NBAS: variants seen among roughly 807,000 people sequenced by gnomAD.
NBAS encodes NBAS subunit of NRZ tethering complex.
NBAS carries 219 observed loss-of-function variants against 302.5 expected under a neutral mutation model. That is an observed-to-expected ratio of 0.72 (90% CI 0.65 to 0.81). NBAS has a LOEUF of 0.81. Among genes scored for constraint, NBAS ranks in the 30% least tolerant of loss-of-function variants. NBAS has a pLI of 0.00. For missense variants in NBAS, 2,932 were observed against 2,841.6 expected (o/e 1.03, Z -0.72); for synonymous variants, 1,118 against 1,021.6 (o/e 1.09, Z -1.80).
downstream of NBAS, among the ~76,000 whole-genome samples, chr2:15,165,787 A>G (rs915139688): frequency 1.3e-5 from 2 of 152,174 alleles, no homozygotes; most frequent in Non-Finnish European, 2.9e-5. Flanking sequence ...GCAGAAATTG[A>G]TCCAAGGTAG....
At chr2:15,273,474 A>C (rs556073016) in intron 44 of NBAS, among the ~76,000 whole-genome samples, 21 of 152,356 alleles carry the variant, frequency 1.4e-4, no homozygotes, top group African/African-American at 4.6e-4. Context: ...ATGACTTCTT[A>C]GAGATAGCAC....
At chr2:14,786,499 C>T in the NBAS span, among the ~76,000 whole-genome samples, 1 of 152,026 alleles carries the variant, frequency 6.6e-6, no homozygotes, top group Non-Finnish European at 1.5e-5. Context: ...TTGAATGTGT[C>T]CCAGAGATTC....
the NBAS span, among the ~76,000 whole-genome samples, chr2:15,005,181 G>A: frequency 3.9e-5 from 6 of 152,032 alleles, no homozygotes; most frequent in East Asian, 1.9e-4. Context: ...TTAAATGCGC[G>A]CATGGGTATT....
At chr2:15,315,377 C>T (rs1268856945) in intron 38 of NBAS, among the ~76,000 whole-genome samples, 1 of 152,148 alleles carries the variant, frequency 6.6e-6, no homozygotes, top group African/African-American at 2.4e-5. Flanking sequence ...CAGGATTGAA[C>T]AGGAGTTCAC....
the NBAS span, among the ~76,000 whole-genome samples, chr2:15,004,352 T>C: frequency 1.3e-5 from 2 of 152,230 alleles, no homozygotes; most frequent in African/African-American, 4.8e-5. Flanking sequence ...TAAGGAAAAG[T>C]TTTGGCACAC....
chr2:15,051,923 T>G, the NBAS span, among the ~76,000 whole-genome samples: 1 of 152,160 alleles, frequency 6.6e-6, no homozygotes, highest in South Asian at 2.1e-4. Context: ...CCAGTTAAAA[T>G]GAGCTCTTCC....
chr2:14,868,595 T>G, the NBAS span, among the ~76,000 whole-genome samples: 1 of 152,206 alleles, frequency 6.6e-6, no homozygotes, highest in South Asian at 2.1e-4. Flanking sequence ...GAATTTTTTC[T>G]TAGTATGTTG....
chr2:14,805,630 A>G, the NBAS span, among the ~76,000 whole-genome samples: 1 of 152,170 alleles, frequency 6.6e-6, no homozygotes, highest in Admixed American at 6.5e-5. Flanking sequence ...TGCAATAAAC[A>G]AGTGAGATAA....
chr2:15,098,431 T>G, the NBAS span, among the ~76,000 whole-genome samples: 1,592 of 53,060 alleles, frequency 0.03, no homozygotes, highest in Non-Finnish European at 0.035. Context: ...TATTATATAT[T>G]ATATATTGTA....
the NBAS span, among the ~76,000 whole-genome samples, chr2:15,115,611 C>T: frequency 3.7e-3 from 558 of 152,284 alleles, 2 homozygotes; most frequent in African/African-American, 0.013. Flanking sequence ...GGAAATCTTC[C>T]CGCTTCAGCC....
the NBAS span, among the ~76,000 whole-genome samples, chr2:14,877,603 T>C: frequency 6.6e-6 from 1 of 152,204 alleles, no homozygotes; most frequent in Non-Finnish European, 1.5e-5. Flanking sequence ...GTATCTTCTT[T>C]AGGCCTGGGG....
At chr2:15,037,203 C>T in the NBAS span, among the ~76,000 whole-genome samples, 1 of 152,106 alleles carries the variant, frequency 6.6e-6, no homozygotes, top group Admixed American at 6.5e-5. Context: ...TTTCTGGGGC[C>T]CTGCTGTGAT....
the NBAS span, among the ~76,000 whole-genome samples, chr2:15,158,167 G>A: frequency 2.0e-5 from 3 of 152,302 alleles, no homozygotes; most frequent in South Asian, 2.1e-4. Flanking sequence ...GAATGAAACA[G>A]CAATTACCCT....
chr2:15,330,549 T>G (rs1290626367), intron 36 of NBAS, 49 bp downstream of exon 36: 1 of 1,608,568 alleles, frequency 6.2e-7, no homozygotes, highest in East Asian at 2.2e-5. Context: ...TGCTAATGAA[T>G]TTATATAAAC....
chr2:15,532,308 T>G (rs111922944), intron 9 of NBAS, among the ~76,000 whole-genome samples: 1 of 151,628 alleles, frequency 6.6e-6, no homozygotes, highest in Non-Finnish European at 1.5e-5. Flanking sequence ...GCTAACATGG[T>G]GAAACCCCGT....
chr2:14,836,496 C>T, the NBAS span, among the ~76,000 whole-genome samples: 1 of 151,908 alleles, frequency 6.6e-6, no homozygotes, highest in South Asian at 2.1e-4. Flanking sequence ...TCTTTTCTCC[C>T]ATGTGGATAT....
the NBAS span, among the ~76,000 whole-genome samples, chr2:15,009,801 G>A: frequency 2.0e-5 from 3 of 151,408 alleles, no homozygotes; most frequent in East Asian, 3.9e-4. Flanking sequence ...CCCATAGAGC[G>A]ATTCCCCACA....
the NBAS span, among the ~76,000 whole-genome samples, chr2:14,986,599 T>G: frequency 2.2e-4 from 33 of 152,136 alleles, no homozygotes; most frequent in African/African-American, 7.7e-4. Flanking sequence ...AGTACCAATT[T>G]TCATGCACAC....
chr2:15,558,239 C>T (rs1558438035), intron 2 of NBAS, among the ~76,000 whole-genome samples: 1 of 152,202 alleles, frequency 6.6e-6, no homozygotes, highest in Non-Finnish European at 1.5e-5. Context: ...GTAATGCTCA[C>T]TCACCCATCG....
Sources: gnomAD v4.1 joint callset for allele counts (sites outside exome capture counted in the v4.1 genomes callset) on GRCh38, gnomAD v4.1.1 for gene constraint, MANE v1.5 for transcripts, NCBI Gene and HGNC (gene_info 2026-07-23, HGNC 2026-07-21) for gene names.